Variants in PRKAR2A observed in about 807,000 individuals in gnomAD.
The protein encoded by PRKAR2A is protein kinase cAMP-dependent type II regulatory subunit alpha, also known as cAMP-dependent protein kinase type II-alpha regulatory subunit.
A neutral mutation model predicts 51.9 loss-of-function variants in PRKAR2A; 29 were observed. The ratio of observed to expected loss-of-function variants is 0.56; its 90% CI spans 0.42 to 0.76. The LOEUF (loss-of-function observed/expected upper bound fraction) is 0.76. PRKAR2A is among the 30% of genes least tolerant of loss of function. The pLI is 0.00. For missense variants in PRKAR2A, 445 were observed against 512.1 expected (o/e 0.87, Z 1.26); for synonymous variants, 178 against 186.2 (o/e 0.96, Z 0.36).
intron 1 of PRKAR2A, among the ~76,000 whole-genome samples, chr3:48,845,056 A>G (rs982086516): frequency 2.0e-5 from 3 of 152,192 alleles, no homozygotes; most frequent in Non-Finnish European, 4.4e-5. Flanking sequence ...GTGTAAATAA[A>G]AATTGTCTCA....
intron 1 of PRKAR2A, among the ~76,000 whole-genome samples, chr3:48,833,710 CAAAA>C (rs749720008): frequency 2.3e-5 from 2 of 88,560 alleles, no homozygotes; most frequent in Admixed American, 1.3e-4. Flanking sequence ...GACTTGGTCT[CAAAA>C]AAAAAAAAAA....
Position 48,767,548 on chromosome 3 carries a change from G to C in PRKAR2A, c.697-2199C>G, listed in dbSNP as rs562514745. 5.9e-5 allele frequency among the ~76,000 whole-genome samples: 9 copies of C among 152,194 alleles called. No individual in the cohort carries two copies. The South Asian group carries it at 1.9e-3, about 32-fold the overall frequency. On this transcript the variant is annotated intron_variant, in intron 6 of 10. Transcript: ENST00000265563. Reference sequence around the variant, plus strand: ...TTCATGCCTGTAATCCCTGCACTTTGGGAGGCCAAGGCAGGAGGATCGCTT... The same window carrying C: ...TTCATGCCTGTAATCCCTGCACTTTCGGAGGCCAAGGCAGGAGGATCGCTT...
chr3:48,789,879 TTTTC>T (rs928042919), intron 4 of PRKAR2A, among the ~76,000 whole-genome samples: 17 of 151,630 alleles, frequency 1.1e-4, no homozygotes, highest in Admixed American at 7.2e-4. Context: ...CCTTTCTTCC[TTTTC>T]TTTCTCTCTT....
chr3:48,802,300 C>T (rs2082603115), intron 2 of PRKAR2A, among the ~76,000 whole-genome samples: 1 of 152,090 alleles, frequency 6.6e-6, no homozygotes. Context: ...CCTTGGCCTC[C>T]CAAAGTGGTG....
At chr3:48,807,908 T>C (rs1028089659) in intron 1 of PRKAR2A, among the ~76,000 whole-genome samples, 4 of 152,348 alleles carry the variant, frequency 2.6e-5, no homozygotes, top group African/African-American at 9.6e-5. Context: ...ATACCTTCAA[T>C]ATATTCAACC....
At chr3:48,802,494 A>T (rs1476089169) in intron 2 of PRKAR2A, among the ~76,000 whole-genome samples, 2 of 152,224 alleles carry the variant, frequency 1.3e-5, no homozygotes, top group African/African-American at 4.8e-5. Flanking sequence ...TTAAGAGGCC[A>T]GGCATTCAAG....
chr3:48,797,217 TAGTGC>T (rs1022782621), intron 2 of PRKAR2A, among the ~76,000 whole-genome samples: 5 of 152,010 alleles, frequency 3.3e-5, no homozygotes, highest in African/African-American at 1.2e-4. Context: ...GCCCAGGCTG[TAGTGC>T]AGTTGACATG....
chr3:48,841,814 T>C (rs374469309), intron 1 of PRKAR2A, among the ~76,000 whole-genome samples: 8 of 152,158 alleles, frequency 5.3e-5, no homozygotes, highest in Admixed American at 4.6e-4. Flanking sequence ...TATTTGTAAA[T>C]AGAAATCCAC....
At chr3:48,828,115 C>T (rs1307773394) in intron 1 of PRKAR2A, among the ~76,000 whole-genome samples, 3 of 152,220 alleles carry the variant, frequency 2.0e-5, no homozygotes, top group African/African-American at 4.8e-5. Flanking sequence ...ATCCACCCAC[C>T]TCTGCCTCCT....
chr3:48,828,755 T>G (rs2083114641), intron 1 of PRKAR2A, among the ~76,000 whole-genome samples: 1 of 151,570 alleles, frequency 6.6e-6, no homozygotes, highest in Admixed American at 6.6e-5. Context: ...TGATTTATAT[T>G]CTTATCCTTT....
rs568559867 is a variant in PRKAR2A at position 48,791,123 on chromosome 3, C to T, written c.352-496G>A. Among the ~76,000 whole-genome samples, 4 of 151,622 alleles carry T rather than the reference C, an allele frequency of 2.6e-5. No individual in the cohort carries two copies. The South Asian group carries it at 8.3e-4, about 32-fold the overall frequency. ...CCAACGTGGTAAAACCCTGTCTTTA[C>T]TAAAAATAGAAAAATTAGCTGGGCA... is the stretch of plus-strand genomic sequence containing the variant. On this transcript the variant is annotated intron_variant, in intron 3 of 10. Transcript: ENST00000265563.
intron 4 of PRKAR2A, among the ~76,000 whole-genome samples, chr3:48,788,176 G>A (rs1377226838): frequency 6.6e-6 from 1 of 152,020 alleles, no homozygotes; most frequent in African/African-American, 2.4e-5. Flanking sequence ...GACTACAGGT[G>A]CGCGCCACCA....
At chr3:48,790,039 C>T (rs1022804436) in intron 4 of PRKAR2A, among the ~76,000 whole-genome samples, 3 of 151,898 alleles carry the variant, frequency 2.0e-5, no homozygotes, top group African/African-American at 7.3e-5. Flanking sequence ...GCCAGCATTG[C>T]TTCTCTTGTG....
intron 6 of PRKAR2A, among the ~76,000 whole-genome samples, chr3:48,771,364 C>A (rs1209900137): frequency 6.6e-6 from 1 of 152,034 alleles, no homozygotes; most frequent in Non-Finnish European, 1.5e-5. Flanking sequence ...AACAAAAAGA[C>A]AGGTGTGGTG....
intron 2 of PRKAR2A, among the ~76,000 whole-genome samples, chr3:48,806,793 A>G (rs1317638948): frequency 6.6e-6 from 1 of 150,924 alleles, no homozygotes; most frequent in Admixed American, 6.6e-5. Flanking sequence ...TTTTTTTGAG[A>G]CAGAGTCTCA....
intron 4 of PRKAR2A, among the ~76,000 whole-genome samples, chr3:48,786,561 G>A (rs1239561711): frequency 6.7e-6 from 1 of 149,362 alleles, no homozygotes; most frequent in Non-Finnish European, 1.5e-5. Context: ...ACTTTGGGAG[G>A]CAGAGGCGGG....
At chr3:48,833,603 G>A (rs1299797207) in intron 1 of PRKAR2A, among the ~76,000 whole-genome samples, 4 of 151,436 alleles carry the variant, frequency 2.6e-5, no homozygotes, top group Admixed American at 1.3e-4. Flanking sequence ...CTAGCTACTC[G>A]GGAGGCTGAG....
chr3:48,812,234 G>A (rs770106173), intron 1 of PRKAR2A, among the ~76,000 whole-genome samples: 7 of 151,900 alleles, frequency 4.6e-5, no homozygotes, highest in Admixed American at 4.6e-4. Context: ...AAATAAGCAG[G>A]AAAAAACTAG....
chr3:48,755,959 T>G (rs1377756148), intron 9 of PRKAR2A, among the ~76,000 whole-genome samples: 3 of 152,000 alleles, frequency 2.0e-5, no homozygotes, highest in African/African-American at 7.2e-5. Flanking sequence ...TTTTTGTATT[T>G]TCAGTAGAGA....
Sources: gnomAD v4.1 joint callset for allele counts (sites outside exome capture counted in the v4.1 genomes callset) on GRCh38, gnomAD v4.1.1 for gene constraint, MANE v1.5 for transcripts, NCBI Gene and HGNC (gene_info 2026-07-23, HGNC 2026-07-21) for gene names.